TMEM41B: variants seen among roughly 807,000 people sequenced by gnomAD.
The protein encoded by TMEM41B is transmembrane protein 41B.
In TMEM41B, 18 loss-of-function variants were observed where a neutral mutation model predicts 31.9. The observed-to-expected ratio is 0.56, with a 90% CI of 0.39 to 0.84. TMEM41B has a LOEUF of 0.84. Among genes scored for constraint, TMEM41B ranks in the 40% least tolerant of loss-of-function variants. The pLI is 0.00. For missense variants in TMEM41B, 322 were observed against 348.0 expected, an observed-to-expected ratio of 0.93 and a Z score of 0.59; for synonymous variants, 144 against 124.3, an observed-to-expected ratio of 1.16 and a Z score of -1.05.
At chr11:9,296,558 A>G (rs10770011) in intron 2 of TMEM41B, among the ~76,000 whole-genome samples, 139,132 of 146,638 alleles carry the variant, frequency 0.95, 66,461 homozygotes, top group East Asian at 1. Context: ...CCCGGGAGGC[A>G]GAGGCTGCAG....
chr11:9,294,216 C>T (rs1315302638), intron 3 of TMEM41B, among the ~76,000 whole-genome samples: 26 of 138,674 alleles, frequency 1.9e-4, no homozygotes, highest in African/African-American at 7.0e-4. Flanking sequence ...AAAAAAAAGC[C>T]GGGCACAGTG....
At chr11:9,286,915 G>A (rs925756691) in intron 5 of TMEM41B, among the ~76,000 whole-genome samples, 14 of 151,690 alleles carry the variant, frequency 9.2e-5, no homozygotes, top group Non-Finnish European at 1.8e-4. Context: ...CAGGAGAATC[G>A]CTTGAACCCG....
chr11:9,314,215 C>G (rs1398525253), intron 1 of TMEM41B, 106 bp downstream of exon 1: 5 of 1,356,518 alleles, frequency 3.7e-6, no homozygotes, highest in South Asian at 3.0e-5. Context: ...CGCCAGCAGG[C>G]CCCCCTCTTT....
chr11:9,301,755 A>T (rs1472949665), intron 1 of TMEM41B, among the ~76,000 whole-genome samples: 1 of 152,152 alleles, frequency 6.6e-6, no homozygotes, highest in African/African-American at 2.4e-5. Context: ...GAACTAAAAG[A>T]GATACTGGTT....
chr11:9,307,576 G>T (rs1363801367), intron 1 of TMEM41B, among the ~76,000 whole-genome samples: 1 of 151,820 alleles, frequency 6.6e-6, no homozygotes, highest in Admixed American at 6.6e-5. Flanking sequence ...CCAAGTAGCT[G>T]GGATTACAGG....
chr11:9,306,549 AGTG>A, intron 1 of TMEM41B, among the ~76,000 whole-genome samples: 1 of 151,972 alleles, frequency 6.6e-6, no homozygotes, highest in Non-Finnish European at 1.5e-5. Context: ...AGCCGGGCAC[AGTG>A]GCGGGCGCCT....
intron 3 of TMEM41B, among the ~76,000 whole-genome samples, chr11:9,290,807 T>A (rs1852941968): frequency 6.6e-6 from 1 of 151,750 alleles, no homozygotes; most frequent in South Asian, 2.1e-4. Flanking sequence ...GAGAAACTAG[T>A]GTTATGATGC....
At chr11:9,292,207 C>A (rs1357012467) in intron 3 of TMEM41B, among the ~76,000 whole-genome samples, 1 of 151,892 alleles carries the variant, frequency 6.6e-6, no homozygotes, top group East Asian at 1.9e-4. Flanking sequence ...TAGAATTTAC[C>A]ATTTATTGAA....
intron 1 of TMEM41B, among the ~76,000 whole-genome samples, chr11:9,309,131 C>T (rs1041756869): frequency 1.3e-5 from 2 of 152,032 alleles, no homozygotes; most frequent in African/African-American, 2.4e-5. Context: ...CCTGTAATCC[C>T]GGCTACTGGG....
At chr11:9,299,282 C>CA (rs1180036082) in intron 2 of TMEM41B, among the ~76,000 whole-genome samples, 8,814 of 41,732 alleles carry the variant, frequency 0.21, 2,004 homozygotes, top group Non-Finnish European at 0.26. Context: ...GACTCTGTCT[C>CA]AAAAAAAAAA....
At chr11:9,301,815 C>T (rs1405731782) in intron 1 of TMEM41B, among the ~76,000 whole-genome samples, 2 of 152,092 alleles carry the variant, frequency 1.3e-5, no homozygotes, top group Non-Finnish European at 2.9e-5. Context: ...GTGGAGGACA[C>T]AGTAAGCCAA....
At chr11:9,287,218 G>A (rs1852856153) in intron 5 of TMEM41B, among the ~76,000 whole-genome samples, 1 of 152,100 alleles carries the variant, frequency 6.6e-6, no homozygotes, top group African/African-American at 2.4e-5. Flanking sequence ...GAGGCAGGCA[G>A]GAGAAATGCT....
intron 1 of TMEM41B, among the ~76,000 whole-genome samples, chr11:9,311,011 C>G (rs1853547633): frequency 6.6e-6 from 1 of 152,180 alleles, no homozygotes; most frequent in Non-Finnish European, 1.5e-5. Context: ...AACTTGTCTT[C>G]AACATTTAGT....
chr11:9,305,698 A>T (rs928349962), intron 1 of TMEM41B, among the ~76,000 whole-genome samples: 2 of 152,210 alleles, frequency 1.3e-5, no homozygotes, highest in Admixed American at 1.3e-4. Flanking sequence ...CTACTTTTAA[A>T]TCCAATTAAC....
chr11:9,295,227 A>C, intron 3 of TMEM41B, 32 bp downstream of exon 3: 1 of 1,479,772 alleles, frequency 6.8e-7, no homozygotes, highest in Non-Finnish European at 9.1e-7. Context: ...CTTGAACAAA[A>C]TTAGAAAACA....
chr11:9,287,857 C>G, intron 4 of TMEM41B, 51 bp from the exon 5 acceptor site: 1 of 1,378,168 alleles, frequency 7.3e-7, no homozygotes, highest in Non-Finnish European at 1.0e-6. Flanking sequence ...GTCTTACTCA[C>G]ATTGATTTAT....
chr11:9,287,422 T>G (rs1318485203), intron 5 of TMEM41B, among the ~76,000 whole-genome samples: 1 of 152,234 alleles, frequency 6.6e-6, no homozygotes, highest in African/African-American at 2.4e-5. Context: ...ATTATGTGGA[T>G]GCCTTTATAT....
chr11:9,314,008 G>A (rs1853626003), intron 1 of TMEM41B, among the ~76,000 whole-genome samples: 1 of 152,218 alleles, frequency 6.6e-6, no homozygotes. Context: ...GAATGCCACA[G>A]TACAGCTCCT....
chr11:9,304,402 A>G (rs1464211521), intron 1 of TMEM41B, among the ~76,000 whole-genome samples: 1 of 152,178 alleles, frequency 6.6e-6, no homozygotes, highest in African/African-American at 2.4e-5. Context: ...AAGCAAAAAC[A>G]TCAGGGTGTA....
Sources: allele counts gnomAD v4.1 joint callset (sites outside exome capture counted in the v4.1 genomes callset), GRCh38; gene constraint gnomAD v4.1.1; transcripts MANE v1.5; gene names NCBI Gene and HGNC (gene_info 2026-07-23, HGNC 2026-07-21).